ATRX: variants seen among roughly 807,000 people sequenced by gnomAD.
The protein encoded by ATRX is chromatin remodeler ATRX.
A neutral mutation model predicts 172.6 loss-of-function variants in ATRX; 12 were observed. The ratio of observed to expected loss-of-function variants is 0.07; its 90% CI spans 0.04 to 0.11. The LOEUF (loss-of-function observed/expected upper bound fraction) is 0.11, where lower values mean the gene tolerates loss of function less well. Among genes scored for constraint, ATRX ranks in the 10% least tolerant of loss-of-function variants. The pLI is 1.00. For synonymous variants in ATRX, 674 were observed against 594.7 expected, an observed-to-expected ratio of 1.13 and a Z score of -1.94; for missense variants, 1,368 against 1,767.4, an observed-to-expected ratio of 0.77 and a Z score of 4.05.
intron 30 of ATRX, among the ~76,000 whole-genome samples, chrX:77,543,118 AAAAAACAACCCTATC>A (rs2064078384): frequency 8.9e-6 from 1 of 112,377 alleles, no homozygotes; most frequent in African/African-American, 3.2e-5. Context: ...ATTTACAAGA[AAAAAACAACCCTATC>A]AAAAAGTGGG....
intron 22 of ATRX, among the ~76,000 whole-genome samples, chrX:77,609,756 C>T (rs782637364): frequency 7.1e-5 from 8 of 111,947 alleles, no homozygotes; most frequent in Non-Finnish European, 1.5e-4. Flanking sequence ...GGATTACAGG[C>T]ATGAGCCACC....
chrX:77,542,972 T>C (rs1285077219), intron 30 of ATRX, among the ~76,000 whole-genome samples: 1 of 111,780 alleles, frequency 8.9e-6, no homozygotes, highest in Non-Finnish European at 1.9e-5. Context: ...GGGATGTAAT[T>C]AAACTAAAGA....
intron 22 of ATRX, among the ~76,000 whole-genome samples, chrX:77,603,513 C>A (rs1392277318): frequency 1.9e-5 from 2 of 105,153 alleles, no homozygotes; most frequent in Non-Finnish European, 3.9e-5. Context: ...CTACAGGTGC[C>A]TGCCACCATG....
At chrX:77,773,031 G>A (rs1190557831) in intron 1 of ATRX, among the ~76,000 whole-genome samples, 2 of 56,070 alleles carry the variant, frequency 3.6e-5, no homozygotes, top group Non-Finnish European at 6.4e-5. Context: ...TTTTTTTTTT[G>A]AGACAGAGTC....
chrX:77,614,312 T>C (rs1323173336), intron 22 of ATRX, among the ~76,000 whole-genome samples: 4 of 111,912 alleles, frequency 3.6e-5, no homozygotes, highest in African/African-American at 9.7e-5. Context: ...CACTTGGCCT[T>C]TTATGAATGT....
intron 12 of ATRX, among the ~76,000 whole-genome samples, chrX:77,660,842 T>C (rs1454006050): frequency 9.0e-6 from 1 of 111,221 alleles, no homozygotes. Context: ...CCTCAACTAT[T>C]TCTGTGATAT....
chrX:77,620,910 A>T (rs1157156530), intron 19 of ATRX, among the ~76,000 whole-genome samples: 2 of 112,297 alleles, frequency 1.8e-5, no homozygotes, highest in African/African-American at 3.2e-5. Flanking sequence ...TATCAACTTA[A>T]ACTATCAGCA....
At chrX:77,561,863 C>G (rs2065030895) in intron 28 of ATRX, among the ~76,000 whole-genome samples, 1 of 111,478 alleles carries the variant, frequency 9.0e-6, no homozygotes, top group African/African-American at 3.3e-5. Context: ...GGTATGAACT[C>G]AAGTACAGAG....
chrX:77,686,437 C>T (rs1233076041), intron 7 of ATRX, among the ~76,000 whole-genome samples: 1 of 112,168 alleles, frequency 8.9e-6, no homozygotes, highest in Non-Finnish European at 1.9e-5. Flanking sequence ...CTACTGCAGC[C>T]GGGTACAGTG....
At chrX:77,650,034 G>A (rs1483115338) in intron 15 of ATRX, among the ~76,000 whole-genome samples, 5 of 112,189 alleles carry the variant, frequency 4.5e-5, no homozygotes, top group African/African-American at 1.6e-4. Context: ...TCATGTAACA[G>A]GAGACAAAAC....
chrX:77,706,922 C>G (rs782542609), intron 2 of ATRX, among the ~76,000 whole-genome samples: 3 of 111,012 alleles, frequency 2.7e-5, no homozygotes, highest in Non-Finnish European at 5.7e-5. Context: ...TAAATAAAGA[C>G]AACTCAAAGA....
chrX:77,702,918 G>A (rs1490348542), intron 2 of ATRX, among the ~76,000 whole-genome samples: 1 of 111,460 alleles, frequency 9.0e-6, no homozygotes, highest in African/African-American at 3.3e-5. Context: ...GTAGAGATGG[G>A]TTCTGGCTAT....
In ATRX at chrX:77,522,367, T is replaced by C. The variant is rs374244026; in HGVS notation, c.6871A>G (p.Ile2291Val). ...GGGGGTAAATTGGTCCCAGTTGGTA[T>C]GTTGAAACGCATGGTCAGTCCCTAA... ...EKKGLTMRFN[I>V]PTGTNLPPVS... The change falls in exon 32 of 35, where the codon ATA (isoleucine) becomes GTA (valine). Residue 2291 changes from isoleucine to valine, a missense_variant. By Grantham distance (29) the Ile-to-Val change is conservative. Transcript: ENST00000373344. 60 of 1,208,846 alleles carry C rather than the reference T, an allele frequency of 5.0e-5. No individual in the cohort carries two copies. Among genetic ancestry groups the C allele is most frequent in the Non-Finnish European group, 6.7e-5 (60 of 894,370 alleles).
At chrX:77,616,254 C>A (rs782440591) in intron 22 of ATRX, 1 of 860,267 alleles carries the variant, frequency 1.2e-6, no homozygotes, top group Non-Finnish European at 1.4e-6. Context: ...ATGAATTTAA[C>A]TTATACACCT....
At chrX:77,692,270 T>C (rs1164584858) in intron 6 of ATRX, among the ~76,000 whole-genome samples, 1 of 111,657 alleles carries the variant, frequency 9.0e-6, no homozygotes, top group African/African-American at 3.2e-5. Flanking sequence ...CACTTTATAA[T>C]TGAGGATTCT....
At chrX:77,623,590 C>G (rs1306929336) in intron 19 of ATRX, among the ~76,000 whole-genome samples, 1 of 111,451 alleles carries the variant, frequency 9.0e-6, no homozygotes, top group Non-Finnish European at 1.9e-5. Flanking sequence ...CAGGAAAGAT[C>G]ACGACCAAAA....
chrX:77,560,300 A>G (rs1774251748), intron 28 of ATRX, among the ~76,000 whole-genome samples: 1 of 111,801 alleles, frequency 8.9e-6, no homozygotes, highest in Non-Finnish European at 1.9e-5. Context: ...TCCACTCCCC[A>G]GAAACAACCT....
At chrX:77,516,046 G>C (rs1189263859) in intron 34 of ATRX, among the ~76,000 whole-genome samples, 1 of 111,287 alleles carries the variant, frequency 9.0e-6, no homozygotes, top group Non-Finnish European at 1.9e-5. Flanking sequence ...AACACATAGA[G>C]GGCAATAACA....
chrX:77,747,785 G>A (rs995749455), intron 1 of ATRX, among the ~76,000 whole-genome samples: 9 of 111,347 alleles, frequency 8.1e-5, no homozygotes, highest in African/African-American at 2.6e-4. Flanking sequence ...CTAAATTTCT[G>A]ACTATATCTA....
Sources: gnomAD v4.1 joint callset for allele counts (sites outside exome capture counted in the v4.1 genomes callset) on GRCh38, gnomAD v4.1.1 for gene constraint, MANE v1.5 for transcripts, NCBI Gene and HGNC (gene_info 2026-07-23, HGNC 2026-07-21) for gene names.